AFDN: variants seen among roughly 807,000 people sequenced by gnomAD.
The protein encoded by AFDN is afadin, adherens junction formation factor, also known as afadin.
In AFDN, 68 loss-of-function variants were observed where a neutral mutation model predicts 216.6. That is an observed-to-expected ratio of 0.31 (90% CI 0.26 to 0.38). AFDN has a LOEUF of 0.38. Among genes scored for constraint, AFDN ranks in the 10% least tolerant of loss-of-function variants. The pLI is 1.00. For synonymous variants in AFDN, 868 were observed against 853.7 expected, an observed-to-expected ratio of 1.02 and a Z score of -0.29; for missense variants, 2,136 against 2,342.0, an observed-to-expected ratio of 0.91 and a Z score of 1.82.
chr6:167,921,331 G>A (rs1018182540), intron 21 of AFDN, among the ~76,000 whole-genome samples: 4 of 152,164 alleles, frequency 2.6e-5, no homozygotes, highest in Non-Finnish European at 5.9e-5. Flanking sequence ...TGATATTTCC[G>A]TGGCCGAGGC....
chr6:167,946,639 G>C, intron 26 of AFDN, 68 bp from the exon 27 acceptor site: 1 of 1,374,640 alleles, frequency 7.3e-7, no homozygotes, highest in Non-Finnish European at 1.0e-6. Flanking sequence ...AATTCTTATG[G>C]AATTTTAATG....
chr6:167,959,714 T>C (rs910777893), intron 30 of AFDN, among the ~76,000 whole-genome samples: 11 of 152,164 alleles, frequency 7.2e-5, no homozygotes, highest in Admixed American at 6.5e-4. Flanking sequence ...CACACACATA[T>C]ATATGTATAT....
chr6:167,914,024 G>A (rs1790737325), intron 16 of AFDN, 144 bp from the exon 17 acceptor site: 1 of 764,088 alleles, frequency 1.3e-6, no homozygotes, highest in Non-Finnish European at 2.0e-6. Flanking sequence ...AAATTATTTT[G>A]CAAATATCTG....
At chr6:167,861,265 A>G (rs962908263) in intron 1 of AFDN, among the ~76,000 whole-genome samples, 1 of 152,258 alleles carries the variant, frequency 6.6e-6, no homozygotes, top group Admixed American at 6.5e-5. Flanking sequence ...TATTCTGGGA[A>G]CAGGTATTAA....
chr6:167,878,593 CTCTCTCTCTCTCTG>C (rs981584321), intron 5 of AFDN, among the ~76,000 whole-genome samples: 2 of 139,436 alleles, frequency 1.4e-5, no homozygotes, highest in South Asian at 2.5e-4. Flanking sequence ...CCCACTCTCT[CTCTCTCTCTCTCTG>C]TCTCTCTCTC....
chr6:167,951,298 A>T lies in AFDN; in HGVS notation c.3944A>T (p.Gln1315Leu), dbSNP rs144979147. The T allele has an allele frequency of 6.2e-4, 999 of 1,614,210 alleles. 3 individuals carry two copies. In the African/African-American group the frequency reaches 0.012, roughly 19 times the overall value. Residue 1315 changes from glutamine to leucine, a missense_variant, in exon 30 of 34, where the codon CAG (glutamine) becomes CTG (leucine). By Grantham distance (113) the Gln-to-Leu change is moderately radical. Around this residue, in one of 8 missense-constraint regions of AFDN, gnomAD observed 981 missense variants for 966.0 expected, o/e 1.02. Coordinates refer to ENST00000683244, the MANE Select transcript of AFDN (RefSeq NM_001386888.1). This position sits in a 1 kb window ranked among gnomAD's most constrained non-coding sequence, Gnocchi z 7.1. ...RKSDSDMWINQSSSLDSSTSS... is the reference protein window; with the variant it reads ...RKSDSDMWINLSSSLDSSTSS... ...TCTGATAGTGATATGTGGATAAATC[A>T]GAGCTCCTCACTGGACTCCAGTACC...
Position 167,872,309 on chromosome 6 carries a change from GAA to G in AFDN, c.511_512del (p.Lys171GlufsTer11). 1 of 1,614,080 alleles carries G rather than the reference GAA, an allele frequency of 6.2e-7. No homozygotes were observed. Among genetic ancestry groups the G allele is most frequent in the Non-Finnish European group, 8.5e-7 (1 of 1,179,976 alleles). On this transcript the variant is annotated frameshift_variant, in exon 4 of 34. Coordinates refer to ENST00000683244, the MANE Select transcript of AFDN (RefSeq NM_001386888.1). LOFTEE classifies it high-confidence loss of function. ...LSKKEKKEKK[K>X]REKEALRQAS... The stretch of plus-strand genomic sequence containing the variant: ...CAAAGAAAGAAAAGAAGGAAAAAAA[GAA>G]GAGAGAAAAAGAGGCATTGCGACAG...
chr6:167,842,951 A>C (rs564131138), intron 1 of AFDN, among the ~76,000 whole-genome samples: 16 of 152,330 alleles, frequency 1.1e-4, no homozygotes, highest in South Asian at 4.1e-4. Context: ...ACAAAAAAAA[A>C]CTAAAACTAT....
At chr6:167,830,657 C>T (rs1239173873) in intron 1 of AFDN, among the ~76,000 whole-genome samples, 1 of 152,064 alleles carries the variant, frequency 6.6e-6, no homozygotes, top group Non-Finnish European at 1.5e-5. Flanking sequence ...CTCCTTCTTG[C>T]CCTGATGGTA....
At chr6:167,895,088 C>A (rs559614141) in intron 9 of AFDN, among the ~76,000 whole-genome samples, 3 of 151,682 alleles carry the variant, frequency 2.0e-5, no homozygotes, top group Non-Finnish European at 4.4e-5. Context: ...AACTATGGAC[C>A]GTATGTGGAG....
chr6:167,851,773 C>T (rs903981082), intron 1 of AFDN, among the ~76,000 whole-genome samples: 6 of 152,186 alleles, frequency 3.9e-5, no homozygotes, highest in Admixed American at 2.0e-4. Context: ...TTGTATGACA[C>T]ACCTGTTGCT....
At chr6:167,965,147 GTTT>G (rs397887939) in intron 31 of AFDN, 4 of 681,148 alleles carry the variant, frequency 5.9e-6, no homozygotes, top group African/African-American at 4.0e-5. Flanking sequence ...GAGAATGAGT[GTTT>G]TTTTTTTTTT....
At chr6:167,937,406 T>C (rs942864925) in intron 23 of AFDN, among the ~76,000 whole-genome samples, 2 of 152,200 alleles carry the variant, frequency 1.3e-5, no homozygotes, top group African/African-American at 2.4e-5. Context: ...CTAATAATCA[T>C]GAATGCTTTT....
chr6:167,911,618 T>C (rs1790410054), intron 15 of AFDN, 129 bp downstream of exon 15: 1 of 792,724 alleles, frequency 1.3e-6, no homozygotes, highest in South Asian at 1.7e-5. Context: ...GTTATGTAAA[T>C]ATTGTAGGAA....
intron 20 of AFDN, among the ~76,000 whole-genome samples, chr6:167,917,596 C>G (rs947289255): frequency 6.6e-6 from 1 of 152,190 alleles, no homozygotes; most frequent in Non-Finnish European, 1.5e-5. Flanking sequence ...GAGGCTTGTC[C>G]CTTCTCATCC....
At chr6:167,838,113 T>G (rs1004573042) in intron 1 of AFDN, among the ~76,000 whole-genome samples, 1 of 152,230 alleles carries the variant, frequency 6.6e-6, no homozygotes, top group African/African-American at 2.4e-5. Context: ...ATTTTGTAAC[T>G]ATATACAAAC....
chr6:167,859,745 A>C (rs889775135), intron 1 of AFDN, among the ~76,000 whole-genome samples: 3 of 151,114 alleles, frequency 2.0e-5, no homozygotes, highest in Admixed American at 2.0e-4. Flanking sequence ...TATTGACTCT[A>C]ATAATTTCAC....
intron 1 of AFDN, among the ~76,000 whole-genome samples, chr6:167,862,839 C>T (rs778400747): frequency 2.1e-4 from 32 of 152,214 alleles, no homozygotes; most frequent in Non-Finnish European, 3.5e-4. Flanking sequence ...ATTTTGCCAA[C>T]TCTTTAAGCT....
At chr6:167,959,102 G>T (rs1796797608) in intron 30 of AFDN, among the ~76,000 whole-genome samples, 1 of 152,236 alleles carries the variant, frequency 6.6e-6, no homozygotes, top group South Asian at 2.1e-4. Flanking sequence ...AGTTTCTGTT[G>T]TAGGCCTCTT....
Sources: gnomAD v4.1 joint callset for allele counts (sites outside exome capture counted in the v4.1 genomes callset) on GRCh38, gnomAD v4.1.1 for gene constraint, gnomAD v4.1.1 regional missense constraint, Gnocchi (gnomAD v3.1) non-coding constraint, MANE v1.5 for transcripts, NCBI Gene and HGNC (gene_info 2026-07-23, HGNC 2026-07-21) for gene names.